MBD5: variants seen among roughly 807,000 people sequenced by gnomAD.
MBD5 encodes the protein methyl-CpG-binding domain protein 5.
In MBD5, 13 loss-of-function variants were observed where a neutral mutation model predicts 117.3. That is an observed-to-expected ratio of 0.11 (90% CI 0.07 to 0.18). The LOEUF (loss-of-function observed/expected upper bound fraction) is 0.18, where lower values mean the gene tolerates loss of function less well. Among genes scored for constraint, MBD5 ranks in the 10% least tolerant of loss-of-function variants. MBD5 has a pLI of 1.00. For missense variants in MBD5, 1,879 were observed against 2,093.8 expected (o/e 0.90, Z 2.00); for synonymous variants, 727 against 766.4 (o/e 0.95, Z 0.85).
At chr2:148,365,033 A>G (rs989206723) in intron 4 of MBD5, among the ~76,000 whole-genome samples, 2 of 152,240 alleles carry the variant, frequency 1.3e-5, no homozygotes, top group African/African-American at 4.8e-5. Flanking sequence ...AACAGAATAT[A>G]CATTCTTCTC....
intron 1 of MBD5, among the ~76,000 whole-genome samples, chr2:148,118,435 A>AAT (rs1553474121): frequency 5.7e-4 from 85 of 148,558 alleles, no homozygotes; most frequent in East Asian, 3.1e-3. Flanking sequence ...CATAAAAAAA[A>AAT]ATATATATAT....
At chr2:148,364,519 T>A (rs770826636) in intron 4 of MBD5, among the ~76,000 whole-genome samples, 4 of 152,178 alleles carry the variant, frequency 2.6e-5, no homozygotes, top group Non-Finnish European at 5.9e-5. Context: ...GTAAATGGGT[T>A]AAATGCCCCA....
In MBD5 at chr2:148,469,619, G is replaced by A; in HGVS notation, c.1676G>A (p.Gly559Glu). ...SSVKSQPGLL[G>E]MPLNQILNQH... is the part of the protein sequence containing the mutation. Reference sequence around the variant, plus strand: ...GTAAAGAGTCAGCCTGGTTTGCTGGGAATGCCTTTAAATCAGATCTTGAAC... The same window carrying A: ...GTAAAGAGTCAGCCTGGTTTGCTGGAAATGCCTTTAAATCAGATCTTGAAC... The change falls in exon 8 of 14, where the codon GGA becomes GAA. Residue 559 changes from glycine (G) to glutamate (E), a missense_variant. Physicochemically the swap from Gly to Glu is moderately conservative, Grantham distance 98 (BLOSUM62 -2). Transcript: ENST00000642680. 4 of 1,613,936 alleles carry A rather than the reference G, an allele frequency of 2.5e-6. No individual in the cohort carries two copies. Among genetic ancestry groups the A allele is most frequent in the Non-Finnish European group, 3.4e-6 (4 of 1,179,894 alleles).
intron 4 of MBD5, among the ~76,000 whole-genome samples, chr2:148,360,946 T>G (rs1340854181): frequency 6.6e-6 from 1 of 152,200 alleles, no homozygotes; most frequent in African/African-American, 2.4e-5. Context: ...TTCCCACCAT[T>G]ATTTACCTTG....
intron 4 of MBD5, among the ~76,000 whole-genome samples, chr2:148,420,715 T>C (rs1177288500): frequency 6.6e-6 from 1 of 151,634 alleles, no homozygotes; most frequent in Non-Finnish European, 1.5e-5. Flanking sequence ...TTTTGTTTTG[T>C]TTTGTTTTGT....
At chr2:148,095,364 T>A (rs1025463334) in intron 1 of MBD5, among the ~76,000 whole-genome samples, 2 of 152,118 alleles carry the variant, frequency 1.3e-5, no homozygotes, top group Non-Finnish European at 2.9e-5. Flanking sequence ...TTATAGGAAA[T>A]AAGAAATATA....
chr2:148,425,168 T>A (rs1381761534), intron 4 of MBD5, among the ~76,000 whole-genome samples: 1 of 150,988 alleles, frequency 6.6e-6, no homozygotes, highest in Non-Finnish European at 1.5e-5. Context: ...GAGAGAAGAA[T>A]CAACTAGACA....
chr2:148,429,684 A>G (rs1364702978), intron 4 of MBD5, among the ~76,000 whole-genome samples: 2 of 152,194 alleles, frequency 1.3e-5, no homozygotes, highest in Non-Finnish European at 2.9e-5. Context: ...AGATGAGTTC[A>G]TGTCCTTTGC....
At chr2:148,206,159 G>A (rs2105982671) in intron 2 of MBD5, among the ~76,000 whole-genome samples, 1 of 151,472 alleles carries the variant, frequency 6.6e-6, no homozygotes, top group Admixed American at 6.6e-5. Flanking sequence ...ACACACACTT[G>A]TATATGTAGA....
chr2:148,513,048 C>A lies in MBD5; in HGVS notation c.*107C>A. 2 of 1,120,518 alleles carry A rather than the reference C, an allele frequency of 1.8e-6. No individual in the cohort carries two copies. The highest frequency in any genetic ancestry group is 2.7e-6 in the Non-Finnish European group (2 of 746,828). 69.4% of individuals were successfully genotyped at this position (1,120,518 alleles called of 1,614,324 possible). A position where few individuals can be genotyped will look rare whatever the true frequency, so the allele number is the denominator to read the frequency against. On this transcript the variant is annotated 3_prime_UTR_variant, in exon 14 of 14. Transcript: ENST00000642680. ...AGTTATATCAATATTTAGACTATGG[C>A]AGATAGCTACCACCACCACAGGGTG...
At chr2:148,054,569 T>G (rs929365951) in intron 1 of MBD5, 2 of 152,202 alleles carry the variant, frequency 1.3e-5, no homozygotes, top group Admixed American at 6.5e-5. Flanking sequence ...ATATGGAGAC[T>G]TTTTAGAACA....
intron 2 of MBD5, among the ~76,000 whole-genome samples, chr2:148,222,937 G>GAA (rs1699727523): frequency 6.6e-6 from 1 of 151,952 alleles, no homozygotes. Flanking sequence ...TGATGCTAAT[G>GAA]TACATTCTAT....
At chr2:148,445,633 C>G (rs1252410819) in intron 4 of MBD5, among the ~76,000 whole-genome samples, 5 of 151,152 alleles carry the variant, frequency 3.3e-5, no homozygotes, top group Non-Finnish European at 5.9e-5. Context: ...ATGATTTATA[C>G]TCCTTTGGGT....
chr2:148,172,240 C>T (rs934146493), intron 1 of MBD5, among the ~76,000 whole-genome samples: 24 of 152,226 alleles, frequency 1.6e-4, no homozygotes, highest in Non-Finnish European at 2.8e-4. Flanking sequence ...GGCATCCCTG[C>T]GCTATCAGAA....
chr2:148,205,629 G>T (rs1017625472), intron 2 of MBD5, among the ~76,000 whole-genome samples: 1 of 152,150 alleles, frequency 6.6e-6, no homozygotes, highest in African/African-American at 2.4e-5. Context: ...TAAAAACAAA[G>T]TTGCATAAAA....
chr2:148,098,409 T>C (rs1009188993), intron 1 of MBD5, among the ~76,000 whole-genome samples: 1 of 152,172 alleles, frequency 6.6e-6, no homozygotes, highest in Admixed American at 6.5e-5. Context: ...TATATCCAAA[T>C]GAGACAAGAG....
chr2:148,391,299 A>T (rs1704563827), intron 4 of MBD5, among the ~76,000 whole-genome samples: 1 of 152,198 alleles, frequency 6.6e-6, no homozygotes, highest in African/African-American at 2.4e-5. Flanking sequence ...ATATACAGCT[A>T]AATATAGTTT....
At chr2:148,268,379 CCT>C (rs1700908502) in intron 3 of MBD5, among the ~76,000 whole-genome samples, 2 of 151,890 alleles carry the variant, frequency 1.3e-5, no homozygotes, top group East Asian at 3.9e-4. Flanking sequence ...ACAGCATCCC[CCT>C]CTCTTTTCTT....
At chr2:148,314,375 G>GAT (rs754531646) in intron 3 of MBD5, among the ~76,000 whole-genome samples, 1 of 74,866 alleles carries the variant, frequency 1.3e-5, no homozygotes, top group African/African-American at 3.7e-5. Flanking sequence ...TCAGTGTTAT[G>GAT]GTTTTTTTTT....
Sources: gnomAD v4.1 joint callset for allele counts (sites outside exome capture counted in the v4.1 genomes callset) on GRCh38, gnomAD v4.1.1 for gene constraint, MANE v1.5 for transcripts, NCBI Gene and HGNC (gene_info 2026-07-23, HGNC 2026-07-21) for gene names.